The following PTPRZ1 variants were observed in gnomAD, a reference collection of about 807,000 sequenced individuals.
PTPRZ1 encodes protein tyrosine phosphatase receptor type Z1.
Under a neutral mutation model 214.1 loss-of-function variants are expected in PTPRZ1, and 82 were observed. That is an observed-to-expected ratio of 0.38 (90% confidence interval 0.32 to 0.46). PTPRZ1 has a LOEUF of 0.46. Ranked by LOEUF, PTPRZ1 falls within the 20% of genes least tolerant of loss-of-function variation. The probability of loss-of-function intolerance (pLI) is 1.00; values close to 1 mark genes in which losing one functional copy is unlikely to be tolerated. For synonymous variants in PTPRZ1, 945 were observed against 987.9 expected, an observed-to-expected ratio of 0.96 and a Z score of 0.81; for missense variants, 2,603 against 2,748.7, an observed-to-expected ratio of 0.95 and a Z score of 1.19.
intron 1 of PTPRZ1, among the ~76,000 whole-genome samples, chr7:121,905,630 G>A (rs79550606): frequency 0.012 from 1,160 of 93,062 alleles, 11 homozygotes; most frequent in South Asian, 0.057. Context: ...GCACCCGGCC[G>A]AATTCTGGGT....
intron 2 of PTPRZ1, among the ~76,000 whole-genome samples, chr7:121,958,181 C>G (rs981465903): frequency 8.5e-5 from 13 of 152,178 alleles, no homozygotes; most frequent in Non-Finnish European, 1.5e-4. Flanking sequence ...CTAATTCACT[C>G]TGTAGTCTGA....
intron 15 of PTPRZ1, among the ~76,000 whole-genome samples, chr7:122,033,627 C>G (rs1009190673): frequency 2.6e-5 from 4 of 151,760 alleles, no homozygotes; most frequent in African/African-American, 9.7e-5. Context: ...TTTTGATAGC[C>G]TTAAATCTGT....
chr7:122,047,948 C>T lies in PTPRZ1; in HGVS notation c.6084+3380C>T, dbSNP rs1310783130. Among the ~76,000 whole-genome samples, 10 of 152,186 alleles carry T rather than the reference C, an allele frequency of 6.6e-5. No individual in the cohort carries two copies. In the East Asian group the frequency reaches 1.9e-3, roughly 29 times the overall value. The stretch of plus-strand genomic sequence containing the variant: ...GAATTATAGCCATGAGCCACTGCAC[C>T]TGGCCCATTGCACACATACTCTAAA... On this transcript the variant is annotated intron_variant, in intron 23 of 29. Transcript: ENST00000393386.
At chr7:121,913,489 A>G (rs752183011) in intron 1 of PTPRZ1, among the ~76,000 whole-genome samples, 2 of 152,252 alleles carry the variant, frequency 1.3e-5, no homozygotes, top group Non-Finnish European at 2.9e-5. Flanking sequence ...AGCAAGGTGC[A>G]TGGAATAAAT....
intron 2 of PTPRZ1, among the ~76,000 whole-genome samples, chr7:121,963,650 T>A (rs987690741): frequency 6.6e-6 from 1 of 152,124 alleles, no homozygotes. Context: ...TAGGGTCAGT[T>A]TGGGGACAGG....
chr7:122,012,418 A>G lies in PTPRZ1; in HGVS notation c.3372A>G (p.Ser1124=). 3 of 1,613,970 alleles carry G rather than the reference A, an allele frequency of 1.9e-6. No individual in the cohort carries two copies. The highest frequency in any genetic ancestry group is 2.5e-6 in the Non-Finnish European group (3 of 1,179,908). Residue 1124 remains serine, a synonymous_variant, in exon 12 of 30, where the codon TCA becomes TCG. Coordinates refer to ENST00000393386, the MANE Select transcript of PTPRZ1 (RefSeq NM_002851.3). Reference sequence around the variant, plus strand: ...GTCAAGTTCCAGAAAATAACTTTTCAGTTCAACCTACACATACTGTCTCTC... The same window carrying G: ...GTCAAGTTCCAGAAAATAACTTTTCGGTTCAACCTACACATACTGTCTCTC... ...EISQVPENNF[S]VQPTHTVSQA... is the part of the protein sequence containing the mutation.
intron 14 of PTPRZ1, among the ~76,000 whole-genome samples, chr7:122,030,091 A>C (rs1258658435): frequency 6.6e-6 from 1 of 152,002 alleles, no homozygotes; most frequent in Non-Finnish European, 1.5e-5. Context: ...TATTTTTAAC[A>C]AATAAAATAA....
At position 121,986,263 on chromosome 7, in the gene PTPRZ1, G is replaced by C. The variant is rs552282752; in HGVS notation, c.928+2146G>C. ...TCTTCATTTTACAGTTTGGGAAGCT[G>C]ATATTAAATGGCTTGCCCAAGTTTA... On this transcript the variant is annotated intron_variant, in intron 8 of 29. Transcript: ENST00000393386. Among the ~76,000 whole-genome samples the C allele has an allele frequency of 2.0e-3, 307 of 152,312 alleles. 1 individual carries two copies. The highest frequency in any genetic ancestry group is 7.0e-3 in the African/African-American group (290 of 41,562).
intron 2 of PTPRZ1, among the ~76,000 whole-genome samples, chr7:121,960,452 T>C (rs751666496): frequency 2.0e-5 from 3 of 152,208 alleles, no homozygotes; most frequent in Non-Finnish European, 4.4e-5. Context: ...AAGAATCAGT[T>C]CTATGTATAC....
At chr7:121,986,416 T>C (rs1490622968) in intron 8 of PTPRZ1, among the ~76,000 whole-genome samples, 2 of 152,196 alleles carry the variant, frequency 1.3e-5, no homozygotes, top group Non-Finnish European at 2.9e-5. Context: ...AAAAAACTGA[T>C]GACTTTAAAG....
rs1453143372 is a variant in PTPRZ1 at position 122,019,166 on chromosome 7, A to C, written c.4886A>C (p.Glu1629Ala). The C allele has an allele frequency of 6.2e-7, 1 of 1,612,334 alleles. No individual in the cohort carries two copies. Among genetic ancestry groups the C allele is most frequent in the Admixed American group, 1.7e-5 (1 of 59,984 alleles). Residue 1629 changes from glutamate to alanine, a missense_variant, in exon 13 of 30, where the codon GAG becomes GCG. Around this residue, in one of 6 missense-constraint regions of PTPRZ1, gnomAD observed 1,913 missense variants for 1,914.3 expected, o/e 1.00. Coordinates refer to ENST00000393386, the MANE Select transcript of PTPRZ1 (RefSeq NM_002851.3). The part of the protein sequence containing the change: ...SSHESRIGLA[E>A]GLESEKKAVI... ...CATGAGTCTCGTATTGGTCTAGCTG[A>C]GGGGTTGGAATCCGAGAAGAAGGCA...
intron 4 of PTPRZ1, among the ~76,000 whole-genome samples, chr7:121,975,289 T>C (rs189506079): frequency 2.0e-5 from 3 of 152,290 alleles, no homozygotes; most frequent in Admixed American, 2.0e-4. Context: ...AATTATTAAG[T>C]TTTAAATCAT....
At chr7:121,929,075 T>C (rs1378311415) in intron 2 of PTPRZ1, among the ~76,000 whole-genome samples, 1 of 152,218 alleles carries the variant, frequency 6.6e-6, no homozygotes, top group Non-Finnish European at 1.5e-5. Flanking sequence ...AAGGATGTAT[T>C]TTCTTTCTTC....
intron 1 of PTPRZ1, among the ~76,000 whole-genome samples, chr7:121,917,529 C>A (rs1422521491): frequency 2.0e-5 from 3 of 152,044 alleles, no homozygotes; most frequent in African/African-American, 7.2e-5. Flanking sequence ...AACGAAATTG[C>A]TTCACTATTG....
intron 13 of PTPRZ1, chr7:122,028,257 A>G (rs1799265155): frequency 4.3e-6 from 1 of 231,772 alleles, no homozygotes; most frequent in East Asian, 1.1e-4. Flanking sequence ...GAGGTTTCCT[A>G]TATTAACAAA....
intron 2 of PTPRZ1, among the ~76,000 whole-genome samples, chr7:121,956,083 C>T (rs1375331476): frequency 2.0e-5 from 3 of 151,940 alleles, no homozygotes; most frequent in Admixed American, 6.6e-5. Context: ...CCAGAACTTC[C>T]GGTTCTCTAG....
intron 1 of PTPRZ1, among the ~76,000 whole-genome samples, chr7:121,896,304 ACT>A (rs1283311787): frequency 1.3e-5 from 2 of 152,126 alleles, no homozygotes; most frequent in African/African-American, 4.8e-5. Context: ...TATAACTGAA[ACT>A]CTATATCCAT....
chr7:121,991,306 T>G (rs1269014243), intron 8 of PTPRZ1, among the ~76,000 whole-genome samples: 1 of 152,252 alleles, frequency 6.6e-6, no homozygotes, highest in Non-Finnish European at 1.5e-5. Flanking sequence ...TATGGTATAC[T>G]ATTCAAGTTT....
At chr7:122,014,690 G>A (rs554113553) in intron 12 of PTPRZ1, among the ~76,000 whole-genome samples, 6 of 152,198 alleles carry the variant, frequency 3.9e-5, no homozygotes, top group Admixed American at 1.3e-4. Context: ...CACCCGCCTC[G>A]GCCTCCCAAA....
Sources: gnomAD v4.1 joint callset for allele counts (sites outside exome capture counted in the v4.1 genomes callset) on GRCh38, gnomAD v4.1.1 for gene constraint, gnomAD v4.1.1 regional missense constraint, MANE v1.5 for transcripts, NCBI Gene and HGNC (gene_info 2026-07-23, HGNC 2026-07-21) for gene names.